WHR1: variants seen among roughly 807,000 people sequenced by gnomAD.
WHR1 encodes winged helix repair factor 1.
the WHR1 span, chr6:31,971,939 C>T: frequency 2.6e-6 from 4 of 1,551,170 alleles, no homozygotes; most frequent in Non-Finnish European, 3.5e-6. This position sits in a 1 kb window ranked among gnomAD's most constrained non-coding sequence, Gnocchi z 4.5. Flanking sequence ...CTCAAAGCTC[C>T]CCAACTTCCA....
chr6:31,980,275 A>G, the WHR1 span: 1 of 578,306 alleles, frequency 1.7e-6, no homozygotes, highest in Middle Eastern at 4.7e-4. Flanking sequence ...AAGCAACTGC[A>G]CCAACAGAGG....
chr6:31,978,839 C>A, the WHR1 span: 1 of 1,498,550 alleles, frequency 6.7e-7, no homozygotes, highest in East Asian at 2.3e-5. Context: ...CTGAGAGCGC[C>A]CAGAGTATAG....
chr6:31,971,708 C>T, the WHR1 span: 4 of 1,574,616 alleles, frequency 2.5e-6, no homozygotes, highest in East Asian at 6.7e-5. This position sits in a 1 kb window ranked among gnomAD's most constrained non-coding sequence, Gnocchi z 4.5. Context: ...TACAGAGTTT[C>T]CATTCTACAG....
the WHR1 span, chr6:31,971,960 G>C: frequency 6.3e-7 from 1 of 1,577,422 alleles, no homozygotes; most frequent in Non-Finnish European, 8.6e-7. The surrounding 1 kb of genome is among the most constrained non-coding windows in gnomAD (Gnocchi z 4.5). Flanking sequence ...CCTCCGCAGA[G>C]CTATGACGTC....
the WHR1 span, chr6:31,972,538 G>C: frequency 6.3e-7 from 1 of 1,596,942 alleles, no homozygotes; most frequent in Non-Finnish European, 8.6e-7. This position sits in a 1 kb window ranked among gnomAD's most constrained non-coding sequence, Gnocchi z 6.3. Flanking sequence ...CGGGGGTGGG[G>C]CCTCGCTTCC....
the WHR1 span, chr6:31,971,401 TATCG>T: frequency 6.3e-7 from 1 of 1,598,728 alleles, no homozygotes; most frequent in Non-Finnish European, 8.6e-7. The surrounding 1 kb of genome is among the most constrained non-coding windows in gnomAD (Gnocchi z 4.5). Flanking sequence ...CCGGGGCTGG[TATCG>T]ATCCGGGTAT....
chr6:31,972,484 G>A, the WHR1 span: 1 of 1,612,702 alleles, frequency 6.2e-7, no homozygotes, highest in Non-Finnish European at 8.5e-7. The surrounding 1 kb of genome is among the most constrained non-coding windows in gnomAD (Gnocchi z 6.3). Flanking sequence ...AGGGCCTGTG[G>A]AGTCGGATCC....
At chr6:31,980,610 G>A in the WHR1 span, 1 of 1,593,342 alleles carries the variant, frequency 6.3e-7, no homozygotes, top group Non-Finnish European at 8.5e-7. Context: ...CAGGCCTCTA[G>A]GCCTTATTCA....
At chr6:31,971,233 G>A in the WHR1 span, 1 of 1,555,540 alleles carries the variant, frequency 6.4e-7, no homozygotes, top group Non-Finnish European at 8.7e-7. The surrounding 1 kb of genome is among the most constrained non-coding windows in gnomAD (Gnocchi z 4.5). Context: ...TTCTTCTAAG[G>A]ACTGATTCTC....
chr6:31,974,898 TC>T, the WHR1 span, among the ~76,000 whole-genome samples: 1 of 152,206 alleles, frequency 6.6e-6, no homozygotes, highest in South Asian at 2.1e-4. Flanking sequence ...GGTGAGCTAG[TC>T]TCCCTGACTA....
chr6:31,972,227 C>T, the WHR1 span: 1 of 1,612,900 alleles, frequency 6.2e-7, no homozygotes, highest in Non-Finnish European at 8.5e-7. This position sits in a 1 kb window ranked among gnomAD's most constrained non-coding sequence, Gnocchi z 6.3. Context: ...GTATGTGCGT[C>T]GCCACCGCCC....
chr6:31,978,921 G>A, the WHR1 span: 1 of 1,612,720 alleles, frequency 6.2e-7, no homozygotes. Flanking sequence ...TCAAGAGCAG[G>A]GGGAGATCAG....
At chr6:31,976,686 G>A in the WHR1 span, among the ~76,000 whole-genome samples, 84 of 152,262 alleles carry the variant, frequency 5.5e-4, no homozygotes, top group Non-Finnish European at 9.1e-4. Context: ...GGGAGGCCAA[G>A]GCAGGCGGCT....
At chr6:31,978,850 C>A in the WHR1 span, 1 of 1,564,304 alleles carries the variant, frequency 6.4e-7, no homozygotes, top group Non-Finnish European at 8.8e-7. Context: ...CAGAGTATAG[C>A]AGAGCATCTT....
At chr6:31,973,794 A>T in the WHR1 span, among the ~76,000 whole-genome samples, 1 of 151,854 alleles carries the variant, frequency 6.6e-6, no homozygotes, top group African/African-American at 2.4e-5. Context: ...GCTGCTTGTT[A>T]AAAAAAATAC....
the WHR1 span, chr6:31,979,672 T>C: frequency 1.4e-6 from 2 of 1,380,744 alleles, no homozygotes; most frequent in Non-Finnish European, 2.0e-6. Context: ...GCCAAAAAGC[T>C]GACTCTTCTT....
At chr6:31,980,705 T>C in the WHR1 span, 1 of 1,608,746 alleles carries the variant, frequency 6.2e-7, no homozygotes, top group South Asian at 1.1e-5. Context: ...CGGGAACTGC[T>C]CCTATCAGAG....
the WHR1 span, chr6:31,979,537 A>G: frequency 6.2e-7 from 1 of 1,612,920 alleles, no homozygotes; most frequent in South Asian, 1.1e-5. Flanking sequence ...CTTTGGCTTC[A>G]GGGACTCAGA....
At chr6:31,980,882 T>C in the WHR1 span, 7,127 of 1,197,898 alleles carry the variant, frequency 5.9e-3, 69 homozygotes, top group African/African-American at 0.034. Context: ...CTTAGTTTCC[T>C]AGTGAAGGCC....
Sources: gnomAD v4.1 joint callset for allele counts (sites outside exome capture counted in the v4.1 genomes callset) on GRCh38, gnomAD v4.1.1 for gene constraint, Gnocchi (gnomAD v3.1) non-coding constraint, MANE v1.5 for transcripts, NCBI Gene and HGNC (gene_info 2026-07-23, HGNC 2026-07-21) for gene names.